Variants in FYB1 observed in about 807,000 individuals in gnomAD.
The protein encoded by FYB1 is FYN-binding protein 1.
FYB1 carries 41 observed loss-of-function variants against 94.1 expected under a neutral mutation model. The ratio of observed to expected loss-of-function variants is 0.44; its 90% CI spans 0.34 to 0.57. FYB1 has a LOEUF of 0.57. FYB1 is among the 20% of genes least tolerant of loss of function. The pLI is 0.02. For synonymous variants in FYB1, 367 were observed against 353.2 expected (o/e 1.04, Z -0.44); for missense variants, 1,050 against 976.8 (o/e 1.07, Z -1.00).
chr5:39,200,244 C>A (rs1181111966), intron 2 of FYB1, among the ~76,000 whole-genome samples: 1 of 152,182 alleles, frequency 6.6e-6, no homozygotes, highest in Non-Finnish European at 1.5e-5. Context: ...AAAAATCAGA[C>A]CTTGTCAGGC....
rs376966135 is a variant in FYB1 at position 39,202,343 on chromosome 5, G to T, written c.618C>A (p.Thr206=). 3.7e-6 allele frequency: 6 copies of T among 1,613,882 alleles called. No individual in the cohort carries two copies. The South Asian group carries it at 4.4e-5, about 12-fold the overall frequency. The part of the protein sequence containing the change: ...PAFGQKPPLS[T]ENSHEDESPM... The stretch of plus-strand genomic sequence containing the variant: ...GGCTTTCGTCTTCATGGGAGTTCTC[G>T]GTACTTAGGGGCGGCTTCTGGCCAA... Residue 206 remains threonine, a synonymous_variant, in exon 2 of 19, where the codon ACC becomes ACA. Coordinates refer to ENST00000512982, the MANE Select transcript of FYB1 (RefSeq NM_001465.6).
intron 1 of FYB1, among the ~76,000 whole-genome samples, chr5:39,247,100 A>G (rs1029697177): frequency 7.0e-6 from 1 of 141,930 alleles, no homozygotes; most frequent in African/African-American, 2.6e-5. Context: ...ATATATATAT[A>G]TATATATATA....
intron 1 of FYB1, among the ~76,000 whole-genome samples, chr5:39,263,880 C>G (rs1226408671): frequency 1.3e-5 from 2 of 152,162 alleles, no homozygotes; most frequent in African/African-American, 4.8e-5. Flanking sequence ...AAATATGAAG[C>G]AGGTAATGGC....
chr5:39,123,954 C>T (rs1032399298), intron 13 of FYB1, among the ~76,000 whole-genome samples: 2 of 152,130 alleles, frequency 1.3e-5, no homozygotes, highest in Non-Finnish European at 2.9e-5. Flanking sequence ...CAAGCTTGGA[C>T]TGAATTGAGG....
At chr5:39,188,302 A>G (rs1747028872) in intron 2 of FYB1, among the ~76,000 whole-genome samples, 1 of 152,188 alleles carries the variant, frequency 6.6e-6, no homozygotes, top group Non-Finnish European at 1.5e-5. Context: ...ATTTTCAAGA[A>G]CAACCACAGA....
intron 1 of FYB1, among the ~76,000 whole-genome samples, chr5:39,251,975 T>C (rs1368435625): frequency 6.6e-6 from 1 of 152,014 alleles, no homozygotes; most frequent in African/African-American, 2.4e-5. Flanking sequence ...AAACCCCATC[T>C]CTACTAAAAT....
At chr5:39,221,242 G>T (rs1750246777), upstream of FYB1, among the ~76,000 whole-genome samples, 1 of 152,116 alleles carries the variant, frequency 6.6e-6, no homozygotes, top group African/African-American at 2.4e-5. Context: ...GGGGGCCTGA[G>T]CTCTTCTGAT....
chr5:39,173,069 A>G (rs1306944413), intron 2 of FYB1, among the ~76,000 whole-genome samples: 2 of 152,170 alleles, frequency 1.3e-5, no homozygotes, highest in Non-Finnish European at 2.9e-5. Flanking sequence ...TCCCACCAAC[A>G]ATTTATAAGT....
intron 2 of FYB1, among the ~76,000 whole-genome samples, chr5:39,172,737 G>A (rs1386008052): frequency 6.6e-6 from 1 of 152,176 alleles, no homozygotes; most frequent in African/African-American, 2.4e-5. Flanking sequence ...GCTTAGGATA[G>A]TGACCTTCAG....
chr5:39,254,993 T>G (rs966393378), intron 1 of FYB1, among the ~76,000 whole-genome samples: 3 of 152,158 alleles, frequency 2.0e-5, no homozygotes, highest in Non-Finnish European at 4.4e-5. Flanking sequence ...TGTAGGGATA[T>G]GTCTAGAAAA....
intron 6 of FYB1, chr5:39,138,003 C>T (rs550504417): frequency 5.0e-6 from 2 of 403,744 alleles, no homozygotes; most frequent in Non-Finnish European, 4.5e-6. Flanking sequence ...TGTATGTTCG[C>T]ATAAATAGAA....
chr5:39,248,586 C>G (rs548420564), intron 1 of FYB1, among the ~76,000 whole-genome samples: 1 of 152,144 alleles, frequency 6.6e-6, no homozygotes, highest in Admixed American at 6.6e-5. Flanking sequence ...ATACTGTAAT[C>G]CCAGCACTTT....
rs1302173718 is a variant in FYB1, at chr5:39,127,802, A to G, written c.1846T>C (p.Phe616Leu). The change falls in exon 11 of 19, where the codon TTC (phenylalanine) becomes CTC (leucine). Residue 616 changes from phenylalanine (F) to leucine (L), a missense_variant. Physicochemically the swap from Phe to Leu is conservative, Grantham distance 22 (BLOSUM62 0). Coordinates refer to ENST00000512982, the MANE Select transcript of FYB1 (RefSeq NM_001465.6). ...ATGTCATCATCTGGTGGTGGAGGGA[A>G]TATCCCTTCATTTGGATTGGAGGAA... is the stretch of plus-strand genomic sequence containing the variant. ...SHSQSGSGGI[F>L]PPPPDDDIYD... 6.2e-7 allele frequency: 1 copy of G among 1,600,048 alleles called. No homozygotes were observed. Among genetic ancestry groups the G allele is most frequent in the East Asian group, 2.3e-5 (1 of 44,268 alleles).
intron 3 of FYB1, 77 bp downstream of exon 3, chr5:39,153,371 C>A: frequency 6.5e-7 from 1 of 1,544,770 alleles, no homozygotes; most frequent in Non-Finnish European, 8.9e-7. Context: ...ATGGAACTCT[C>A]AGCATTTGAC....
rs765270236 is a variant in FYB1, at chr5:39,202,467, T to C, written c.494A>G (p.Glu165Gly). The C allele has an allele frequency of 6.2e-7, 1 of 1,613,914 alleles. No individual in the cohort carries two copies. The highest frequency in any genetic ancestry group is 1.1e-5 in the South Asian group (1 of 91,070). Residue 165 changes from glutamate to glycine, a missense_variant, in exon 2 of 19, where the codon GAA becomes GGA. Physicochemically the swap from Glu to Gly is moderately conservative, Grantham distance 98. Transcript: ENST00000512982. ...CAATTTGGGAAACGCTTGCTTCTGT[T>C]CATTTTCTGAGGTTGGAGGAGTAGG... Reference protein sequence around the residue: ...SGPTPPTSENEQKQAFPKLTG... With the variant: ...SGPTPPTSENGQKQAFPKLTG...
intron 1 of FYB1, among the ~76,000 whole-genome samples, chr5:39,259,773 G>A (rs139201352): frequency 6.8e-4 from 103 of 152,268 alleles, no homozygotes; most frequent in African/African-American, 2.3e-3. Flanking sequence ...AGGCAGGAAC[G>A]TGGGGGATAA....
intron 9 of FYB1, among the ~76,000 whole-genome samples, chr5:39,131,247 C>T (rs1210814869): frequency 6.6e-6 from 1 of 152,042 alleles, no homozygotes; most frequent in Non-Finnish European, 1.5e-5. Context: ...CTATATCTCC[C>T]ACTAAAATGT....
In FYB1 at chr5:39,110,363, C is replaced by G. The variant is rs768625929; in HGVS notation, c.2428G>C (p.Ala810Pro). Residue 810 changes from alanine (A) to proline (P), a missense_variant, in exon 17 of 19, where the codon GCG becomes CCG. Ala to Pro is a conservative substitution (Grantham distance 27, BLOSUM62 -1). Transcript: ENST00000512982. Reference sequence around the variant, plus strand: ...AGAAGAAAATGGGCTTACTTGTCCGCTAGGTAACTCCGAAGGACATAACCA... The same window carrying G: ...AGAAGAAAATGGGCTTACTTGTCCGGTAGGTAACTCCGAAGGACATAACCA... ...KYGYVLRSYL[A>P]DNDGEIYDDI... 4 of 1,594,544 alleles carry G rather than the reference C, an allele frequency of 2.5e-6. No homozygotes were observed. Among genetic ancestry groups the G allele is most frequent in the Non-Finnish European group, 3.4e-6 (4 of 1,167,462 alleles).
rs549213778 is a variant in FYB1, at chr5:39,162,750, C to T, written c.1136-9146G>A. The stretch of plus-strand genomic sequence containing the variant: ...TTTTTTTAAACAAGTGGGAGAATAC[C>T]TGTTTTACCATAACTTCACTGGCAT... On this transcript the variant is annotated intron_variant, in intron 2 of 18. Transcript: ENST00000512982. 4.0e-5 allele frequency among the ~76,000 whole-genome samples: 6 copies of T among 151,338 alleles called. No homozygotes were observed. The South Asian group carries it at 1.2e-3, about 31-fold the overall frequency.
Sources: allele counts gnomAD v4.1 joint callset (sites outside exome capture counted in the v4.1 genomes callset), GRCh38; gene constraint gnomAD v4.1.1; transcripts MANE v1.5; gene names NCBI Gene and HGNC (gene_info 2026-07-23, HGNC 2026-07-21).